The following MTA3 variants were observed in gnomAD, a reference collection of about 807,000 sequenced individuals.
MTA3 encodes metastasis-associated protein MTA3.
Under a neutral mutation model 83.5 loss-of-function variants are expected in MTA3, and 34 were observed. The observed-to-expected ratio is 0.41, with a 90% CI of 0.31 to 0.54. The LOEUF (loss-of-function observed/expected upper bound fraction) is 0.54. MTA3 is among the 20% of genes least tolerant of loss of function. The probability of loss-of-function intolerance (pLI) is 0.33; values close to 1 mark genes in which losing one functional copy is unlikely to be tolerated. For synonymous variants in MTA3, 303 were observed against 252.7 expected (o/e 1.20, Z -1.89); for missense variants, 761 against 726.4 (o/e 1.05, Z -0.55).
chr2:42,664,762 A>T (rs1293623624), intron 8 of MTA3, among the ~76,000 whole-genome samples: 1 of 151,928 alleles, frequency 6.6e-6, no homozygotes, highest in African/African-American at 2.4e-5. Context: ...AACTGCTGAA[A>T]CCTGATAGCC....
chr2:42,503,877 TAAAC>T (rs914799910), intron 2 of MTA3, among the ~76,000 whole-genome samples: 10 of 148,592 alleles, frequency 6.7e-5, no homozygotes, highest in Admixed American at 5.4e-4. Flanking sequence ...AACAAATAAA[TAAAC>T]AAACTGCCCT....
At chr2:42,496,389 C>T (rs1031481246) in intron 2 of MTA3, among the ~76,000 whole-genome samples, 2 of 152,134 alleles carry the variant, frequency 1.3e-5, no homozygotes, top group East Asian at 3.8e-4. Flanking sequence ...AAATGATAGG[C>T]TTGTCTCAAT....
chr2:42,693,759 GT>G (rs1326344483), intron 9 of MTA3, among the ~76,000 whole-genome samples: 3 of 152,220 alleles, frequency 2.0e-5, no homozygotes, highest in Non-Finnish European at 4.4e-5. Flanking sequence ...TGGCTGAGCA[GT>G]AACTAAGGTG....
chr2:42,574,605 T>G (rs2103849583), intron 2 of MTA3, among the ~76,000 whole-genome samples: 1 of 151,902 alleles, frequency 6.6e-6, no homozygotes, highest in East Asian at 1.9e-4. Context: ...CCCAGCTAAT[T>G]TTTTTGTATT....
intron 4 of MTA3, among the ~76,000 whole-genome samples, chr2:42,636,616 C>CTCTT (rs978630345): frequency 7.3e-5 from 11 of 150,086 alleles, no homozygotes; most frequent in African/African-American, 1.7e-4. Flanking sequence ...AAACTTCTTT[C>CTCTT]TCTTTCTTTC....
chr2:42,655,088 C>G (rs1285478960), intron 6 of MTA3, among the ~76,000 whole-genome samples: 1 of 152,192 alleles, frequency 6.6e-6, no homozygotes, highest in Non-Finnish European at 1.5e-5. Context: ...TTAAAGGAGG[C>G]TGCTATGTCT....
intron 4 of MTA3, among the ~76,000 whole-genome samples, chr2:42,633,119 T>A (rs954904170): frequency 1.3e-5 from 2 of 151,410 alleles, no homozygotes; most frequent in Admixed American, 6.6e-5. Context: ...AAAAATTAGC[T>A]GGGTATGGGG....
chr2:42,588,174 C>A (rs1464566503), intron 3 of MTA3, among the ~76,000 whole-genome samples: 1 of 152,102 alleles, frequency 6.6e-6, no homozygotes, highest in Non-Finnish European at 1.5e-5. Context: ...AAATAATATA[C>A]CTCATTGCTA....
intron 16 of MTA3, among the ~76,000 whole-genome samples, chr2:42,729,506 G>C (rs1668102738): frequency 6.6e-6 from 1 of 152,156 alleles, no homozygotes; most frequent in Non-Finnish European, 1.5e-5. Context: ...TGGCTATCCA[G>C]TTTTCCCAGT....
At chr2:42,549,501 C>A (rs1338641451) in intron 2 of MTA3, among the ~76,000 whole-genome samples, 5 of 6,404 alleles carry the variant, frequency 7.8e-4, no homozygotes, top group African/African-American at 0.011. Flanking sequence ...TATATTATAT[C>A]ATATATAATA....
chr2:42,628,262 C>T (rs1686323261), intron 4 of MTA3, among the ~76,000 whole-genome samples: 2 of 137,738 alleles, frequency 1.5e-5, no homozygotes, highest in African/African-American at 2.7e-5. Context: ...TGGAGTTTTG[C>T]TCTTGTCACC....
chr2:42,661,575 A>G (rs1689723600), intron 8 of MTA3, among the ~76,000 whole-genome samples: 3 of 151,338 alleles, frequency 2.0e-5, no homozygotes. Context: ...TCTAATAACT[A>G]CCTGTATATA....
chr2:42,662,836 AT>A (rs1689855718), intron 8 of MTA3, among the ~76,000 whole-genome samples: 1 of 149,368 alleles, frequency 6.7e-6, no homozygotes. Context: ...GGTTCAAGTG[AT>A]TCTTCTGCCT....
chr2:42,712,821 C>T (rs1466294260), intron 14 of MTA3: 3 of 151,878 alleles, frequency 2.0e-5, no homozygotes, highest in African/African-American at 7.3e-5. Flanking sequence ...GATGACAACA[C>T]AAATTAGTGA....
exon 2 of MTA3, chr2:42,495,187 C>T (rs1674077119): frequency 6.6e-6 from 1 of 152,478 alleles, no homozygotes; most frequent in African/African-American, 2.4e-5. Context: ...CGCTAGAGGT[C>T]GCCAAACGGA....
intron 2 of MTA3, among the ~76,000 whole-genome samples, chr2:42,541,020 C>T (rs1676495186): frequency 1.3e-5 from 2 of 151,864 alleles, no homozygotes; most frequent in South Asian, 2.1e-4. Flanking sequence ...TCAGTGGAAA[C>T]CTTACTTCAA....
At chr2:42,607,095 GGT>G (rs1683549734) in intron 3 of MTA3, among the ~76,000 whole-genome samples, 1 of 11,468 alleles carries the variant, frequency 8.7e-5, no homozygotes, top group Admixed American at 1.3e-3. Flanking sequence ...TAGGGGTAGG[GGT>G]AGAGGTAGAG....
At chr2:42,617,736 AT>A (rs1255382320) in intron 4 of MTA3, among the ~76,000 whole-genome samples, 2 of 151,790 alleles carry the variant, frequency 1.3e-5, no homozygotes, top group African/African-American at 2.4e-5. Context: ...AGATTGTACC[AT>A]TTCACTCCAG....
chr2:42,593,942 T>G (rs4953489), intron 3 of MTA3, among the ~76,000 whole-genome samples: 4 of 150,182 alleles, frequency 2.7e-5, no homozygotes, highest in Non-Finnish European at 2.9e-5. Flanking sequence ...TTTACCAGTA[T>G]AGGATTAAGT....
Sources: gnomAD v4.1 joint callset for allele counts (sites outside exome capture counted in the v4.1 genomes callset) on GRCh38, gnomAD v4.1.1 for gene constraint, MANE v1.5 for transcripts, NCBI Gene and HGNC (gene_info 2026-07-23, HGNC 2026-07-21) for gene names.